Variants in JMJD6 observed in about 807,000 individuals in gnomAD.
JMJD6 encodes jumonji domain containing 6, arginine demethylase and lysine hydroxylase, also known as bifunctional arginine demethylase and lysyl-hydroxylase JMJD6.
In JMJD6, 17 loss-of-function variants were observed where a neutral mutation model predicts 45.8. That is an observed-to-expected ratio of 0.37 (90% CI 0.25 to 0.56). JMJD6 has a LOEUF of 0.56. Ranked by LOEUF, JMJD6 falls within the 20% of genes least tolerant of loss-of-function variation. The probability of loss-of-function intolerance (pLI) is 0.79; values close to 1 mark genes in which losing one functional copy is unlikely to be tolerated. For missense variants in JMJD6, 470 were observed against 517.5 expected, an observed-to-expected ratio of 0.91 and a Z score of 0.89; for synonymous variants, 221 against 196.3, an observed-to-expected ratio of 1.13 and a Z score of -1.05.
rs781557060 is a variant in JMJD6 at position 76,725,630 on chromosome 17, C to G, written c.355G>C (p.Glu119Gln). The change falls in exon 2 of 6, where the codon GAG (glutamate) becomes CAG (glutamine). Residue 119 changes from glutamate to glutamine, a missense_variant. Glu to Gln is a conservative substitution (Grantham distance 29). Around this residue, in one of 4 missense-constraint regions of JMJD6, gnomAD observed 346 missense variants for 339.5 expected, o/e 1.02. Transcript: ENST00000397625. ...SVKMKMKYYI[E>Q]YMESTRDDSP... ...TCATCTCGAGTGCTCTCCATGTACT[C>G]GATGTAGTATTTCATCTTCATCTTC... 1 of 1,613,846 alleles carries G rather than the reference C, an allele frequency of 6.2e-7. No individual in the cohort carries two copies. Among genetic ancestry groups the G allele is most frequent in the Non-Finnish European group, 8.5e-7 (1 of 1,179,986 alleles).
At position 76,725,951 on chromosome 17, in the gene JMJD6, G is replaced by A; in HGVS notation, c.130-96C>T. ...CAAGGCCAACTGGTAATGACAAACC[G>A]AAGGAAGTTGACTCTCGTCTGGCTC... On this transcript the variant is annotated intron_variant, in intron 1 of 5. Coordinates refer to ENST00000397625, the MANE Select transcript of JMJD6 (RefSeq NM_015167.3). 5 of 1,406,572 alleles carry A rather than the reference G, an allele frequency of 3.6e-6. No individual in the cohort carries two copies. In the South Asian group the frequency reaches 4.4e-5, roughly 12 times the overall value. 87.1% of individuals were successfully genotyped at this position (1,406,572 alleles called of 1,614,324 possible).
intron 4 of JMJD6, among the ~76,000 whole-genome samples, chr17:76,720,972 G>A (rs1239061577): frequency 5.9e-5 from 9 of 152,248 alleles, no homozygotes; most frequent in Admixed American, 3.3e-4. Context: ...TAAGAAATAC[G>A]AGGTGTCAAA....
Position 76,725,816 on chromosome 17 carries a change from CCA to C in JMJD6, c.167_168del (p.Val56GlyfsTer8), listed in dbSNP as rs1287975588. 6.2e-7 allele frequency: 1 copy of C among 1,613,720 alleles called. No individual in the cohort carries two copies. Among genetic ancestry groups the C allele is most frequent in the Non-Finnish European group, 8.5e-7 (1 of 1,180,016 alleles). On this transcript the variant is annotated frameshift_variant, in exon 2 of 6. Coordinates refer to ENST00000397625, the MANE Select transcript of JMJD6 (RefSeq NM_015167.3). LOFTEE classifies it high-confidence loss of function. ...CTTTCATACCGCTCCACAAATTCTT[CCA>C]CAGACAGCTGTAAAGCATCTGCCCT... Reference protein sequence around the residue: ...VERADALQLSVEEFVERYERP... With the variant: ...VERADALQLSXEEFVERYERP...
downstream of JMJD6, chr17:76,715,707 T>C (rs889816777): frequency 1.3e-4 from 20 of 152,164 alleles, no homozygotes; most frequent in African/African-American, 4.8e-4. Context: ...ACCCCTCTTA[T>C]TGAAGTTTAG....
Position 76,723,936 on chromosome 17 carries a change from G to A in JMJD6, c.641C>T (p.Pro214Leu), listed in dbSNP as rs868704829. ...TCGGGTCACTTTGATGAGTTCCCTGGGAGTGCTGGTAGGAAACAGGCACCA... is the reference window on the plus strand; with the variant it reads ...TCGGGTCACTTTGATGAGTTCCCTGAGAGTGCTGGTAGGAAACAGGCACCA... ...KRWCLFPTST[P>L]RELIKVTRDE... Residue 214 changes from proline to leucine, a missense_variant, in exon 3 of 6, where the codon CCC becomes CTC. Coordinates refer to ENST00000397625, the MANE Select transcript of JMJD6 (RefSeq NM_015167.3). The A allele has an allele frequency of 6.2e-7, 1 of 1,613,988 alleles. No homozygotes were observed. Among genetic ancestry groups the A allele is most frequent in the Non-Finnish European group, 8.5e-7 (1 of 1,179,992 alleles).
chr17:76,724,637 T>C (rs1343262296), intron 2 of JMJD6, among the ~76,000 whole-genome samples: 1 of 151,390 alleles, frequency 6.6e-6, no homozygotes, highest in African/African-American at 2.4e-5. Flanking sequence ...ACCAATACGG[T>C]GAAACCCCAT....
chr17:76,722,584 G>T (rs1022229892), intron 3 of JMJD6, among the ~76,000 whole-genome samples: 2 of 152,010 alleles, frequency 1.3e-5, no homozygotes, highest in Admixed American at 1.3e-4. Flanking sequence ...GGTGGCTCAC[G>T]CCTGTAATCC....
At position 76,718,577 on chromosome 17, in the gene JMJD6, A is replaced by C. The variant is rs1352892453; in HGVS notation, c.*152T>G. Reference sequence around the variant, plus strand: ...TAGCAGAGGGAAAGCTACTGGAGCAAACGCTAAGTGAATGGGTTCCCGTGC... The same window carrying C: ...TAGCAGAGGGAAAGCTACTGGAGCACACGCTAAGTGAATGGGTTCCCGTGC... On this transcript the variant is annotated 3_prime_UTR_variant, in exon 6 of 6. Transcript: ENST00000397625. The C allele has an allele frequency of 7.0e-7, 1 of 1,421,000 alleles. No homozygotes were observed. Among genetic ancestry groups the C allele is most frequent in the Admixed American group, 3.1e-5 (1 of 32,592 alleles). The allele number at this position is 1,421,000 out of a possible 1,614,324, so 88.0% of individuals were successfully genotyped here.
intron 3 of JMJD6, 65 bp from the exon 4 acceptor site, chr17:76,721,998 C>T: frequency 6.4e-7 from 1 of 1,560,854 alleles, no homozygotes; most frequent in Non-Finnish European, 8.7e-7. Flanking sequence ...GTATAACACA[C>T]ACACCAGAAA....
Position 76,720,515 on chromosome 17 carries a change from G to A in JMJD6, c.942-17C>T, listed in dbSNP as rs1169210001. 6.2e-7 allele frequency: 1 copy of A among 1,612,928 alleles called. No homozygotes were observed. On this transcript the variant is annotated splice_polypyrimidine_tract_variant and intron_variant, in intron 4 of 5. Coordinates refer to ENST00000397625, the MANE Select transcript of JMJD6 (RefSeq NM_015167.3). ...TTCAAAATCCTGAGAGGCAAGAAGT[G>A]TTGTTCTCAGTGCACTGACAGCCAT...
Position 76,721,945 on chromosome 17 carries a change from C to G in JMJD6, c.806-12G>C, listed in dbSNP as rs1053087906. Reference sequence around the variant, plus strand: ...ATGCCACCAGCCTCCTGAAATCCAACAAATAAACAGTTAAACAAGGTTTGA... The same window carrying G: ...ATGCCACCAGCCTCCTGAAATCCAAGAAATAAACAGTTAAACAAGGTTTGA... On this transcript the variant is annotated splice_polypyrimidine_tract_variant and intron_variant, in intron 3 of 5. Coordinates refer to ENST00000397625, the MANE Select transcript of JMJD6 (RefSeq NM_015167.3). 6.2e-7 allele frequency: 1 copy of G among 1,613,874 alleles called. No individual in the cohort carries two copies. Among genetic ancestry groups the G allele is most frequent in the Non-Finnish European group, 8.5e-7 (1 of 1,179,876 alleles).
At chr17:76,713,961 G>C (rs1225681072), downstream of JMJD6, 1 of 152,292 alleles carries the variant, frequency 6.6e-6, no homozygotes, top group African/African-American at 2.4e-5. Flanking sequence ...TGTGGAGCTT[G>C]TCAGGGACCT....
chr17:76,713,878 C>G (rs1712569600), downstream of JMJD6: 1 of 152,234 alleles, frequency 6.6e-6, no homozygotes, highest in Non-Finnish European at 1.5e-5. Flanking sequence ...AAGGTCTGCA[C>G]TTTCTTCTAC....
chr17:76,717,817 T>C (rs941082080), downstream of JMJD6, among the ~76,000 whole-genome samples: 6 of 141,468 alleles, frequency 4.2e-5, no homozygotes, highest in Admixed American at 1.4e-4. Flanking sequence ...GGTGAAACCC[T>C]GTCTCTACTA....
chr17:76,724,296 A>AT (rs991186844), intron 2 of JMJD6, among the ~76,000 whole-genome samples: 1 of 151,522 alleles, frequency 6.6e-6, no homozygotes, highest in African/African-American at 2.4e-5. Context: ...TAATTTTTGT[A>AT]TTTTTAGTAG....
Position 76,718,549 on chromosome 17 carries a change from T to C in JMJD6, c.*180A>G, listed in dbSNP as rs2076785048. The C allele has an allele frequency of 3.6e-6, 5 of 1,388,360 alleles. No homozygotes were observed. In the South Asian group the frequency reaches 8.3e-5, roughly 23 times the overall value. 86.0% of individuals were successfully genotyped at this position (1,388,360 alleles called of 1,614,324 possible). The stretch of plus-strand genomic sequence containing the variant: ...TAAAACAAGCCGCGTTTATCTGCAT[T>C]GGTAGCAGAGGGAAAGCTACTGGAG... On this transcript the variant is annotated 3_prime_UTR_variant, in exon 6 of 6. Transcript: ENST00000397625.
Position 76,725,739 on chromosome 17 carries a change from C to T in JMJD6, c.246G>A (p.Gln82=), listed in dbSNP as rs761763521. Reference sequence around the variant, plus strand: ...TTAGGCGCTCCAGAGTCCATTTCTCCTGCGCAGACCAGCCCTCTTGCGCAT... The same window carrying T: ...TTAGGCGCTCCAGAGTCCATTTCTCTTGCGCAGACCAGCCCTCTTGCGCAT... The part of the protein sequence containing the change: ...LLNAQEGWSA[Q]EKWTLERLKR... The change falls in exon 2 of 6, where the codon CAG becomes CAA. Residue 82 remains glutamine (Q), a synonymous_variant. Coordinates refer to ENST00000397625, the MANE Select transcript of JMJD6 (RefSeq NM_015167.3). 1 of 1,614,138 alleles carries T rather than the reference C, an allele frequency of 6.2e-7. No homozygotes were observed. The highest frequency in any genetic ancestry group is 2.2e-5 in the East Asian group (1 of 44,870).
chr17:76,723,821 G>T lies in JMJD6; in HGVS notation c.756C>A (p.Phe252Leu), dbSNP rs1273789143. The T allele has an allele frequency of 6.2e-7, 1 of 1,614,156 alleles. No individual in the cohort carries two copies. The highest frequency in any genetic ancestry group is 1.7e-5 in the Admixed American group (1 of 60,004). The change falls in exon 3 of 6, where the codon TTC becomes TTA. Residue 252 changes from phenylalanine to leucine, a missense_variant. Around this residue, in one of 4 missense-constraint regions of JMJD6, gnomAD observed 346 missense variants for 339.5 expected, o/e 1.02. Transcript: ENST00000397625. Reference protein sequence around the residue: ...RTQLPTWPPEFKPLEILQKPG... With the variant: ...RTQLPTWPPELKPLEILQKPG... The stretch of plus-strand genomic sequence containing the variant: ...GTTTTTGTAAGATTTCCAGGGGTTT[G>T]AATTCAGGTGGCCAGGTTGGAAGCT...
exon 7 of JMJD6, chr17:76,713,204 TC>T (rs1320780529): frequency 6.6e-6 from 1 of 152,326 alleles, no homozygotes; most frequent in African/African-American, 2.4e-5. Flanking sequence ...TTCAAGTGAT[TC>T]TCCTGCCTGA....
Sources: allele counts gnomAD v4.1 joint callset (sites outside exome capture counted in the v4.1 genomes callset), GRCh38; gene constraint gnomAD v4.1.1; regional missense constraint gnomAD v4.1.1; transcripts MANE v1.5; gene names NCBI Gene and HGNC (gene_info 2026-07-23, HGNC 2026-07-21).